TTC23L: variants seen among roughly 807,000 people sequenced by gnomAD.
TTC23L encodes tetratricopeptide repeat protein 23-like.
TTC23L carries 42 observed loss-of-function variants against 48.1 expected under a neutral mutation model. The observed-to-expected ratio is 0.87, with a 90% confidence interval of 0.68 to 1.13. The LOEUF (loss-of-function observed/expected upper bound fraction) is 1.13, where lower values mean the gene tolerates loss of function less well. TTC23L is among the 50% of genes most tolerant of loss of function. The probability of loss-of-function intolerance (pLI) is 0.00; values close to 1 mark genes in which losing one functional copy is unlikely to be tolerated. For synonymous variants in TTC23L, 159 were observed against 157.2 expected (o/e 1.01, Z -0.09); for missense variants, 391 against 421.0 (o/e 0.93, Z 0.62).
chr5:34,887,758 C>T (rs1203323846), intron 9 of TTC23L, among the ~76,000 whole-genome samples: 2 of 152,072 alleles, frequency 1.3e-5, no homozygotes, highest in Non-Finnish European at 2.9e-5. Context: ...AGTAGAGATT[C>T]AGCCAAATAA....
Position 34,880,316 on chromosome 5 carries a change from T to C in TTC23L, c.1077+8T>C. On this transcript the variant is annotated splice_region_variant and intron_variant, in intron 9 of 10. Transcript: ENST00000505624. ...CAAAATGGAGAAAAACAGGTAAATA[T>C]GATCAATGCATAAACAGAATTGCTA... is the stretch of plus-strand genomic sequence containing the variant. 3 of 1,604,362 alleles carry C rather than the reference T, an allele frequency of 1.9e-6. No homozygotes were observed. Among genetic ancestry groups the C allele is most frequent in the Non-Finnish European group, 2.5e-6 (3 of 1,176,982 alleles).
At chr5:34,888,909 A>G (rs1472217633) in intron 9 of TTC23L, among the ~76,000 whole-genome samples, 3 of 152,232 alleles carry the variant, frequency 2.0e-5, no homozygotes, top group Non-Finnish European at 1.5e-5. Context: ...CTGAACATAC[A>G]AAGTCTAGGT....
chr5:34,839,835 T>G (rs1758449999), intron 1 of TTC23L, among the ~76,000 whole-genome samples: 1 of 152,250 alleles, frequency 6.6e-6, no homozygotes, highest in Non-Finnish European at 1.5e-5. Context: ...AATCACATTT[T>G]TCGTTTTGTG....
rs185627068 is a variant in TTC23L, at chr5:34,862,922, A to C, written c.404A>C (p.His135Pro). Reference sequence around the variant, plus strand: ...GGCCTCCCAGTTCAGGCCAAGAAACATGCTACATCAGCCAAGAATACACTG... The same window carrying C: ...GGCCTCCCAGTTCAGGCCAAGAAACCTGCTACATCAGCCAAGAATACACTG... The change falls in exon 5 of 11, where the codon CAT becomes CCT. Residue 135 changes from histidine (H) to proline (P), a missense_variant. Coordinates refer to ENST00000505624, the Ensembl canonical transcript of TTC23L. 304 of 1,613,992 alleles carry C rather than the reference A, an allele frequency of 1.9e-4. 1 individual carries two copies. The African/African-American group carries it at 3.8e-3, about 20-fold the overall frequency.
chr5:34,923,147 A>C, the TTC23L span: 4 of 1,613,696 alleles, frequency 2.5e-6, no homozygotes, highest in Non-Finnish European at 3.4e-6. Flanking sequence ...TTAGTACACC[A>C]CGGTATCATC....
At chr5:34,911,062 G>A in the TTC23L span, among the ~76,000 whole-genome samples, 3 of 152,116 alleles carry the variant, frequency 2.0e-5, no homozygotes, top group African/African-American at 7.2e-5. Flanking sequence ...CATTTTCTTG[G>A]CTTCACCTTG....
rs528886154 is a variant in TTC23L at position 34,863,411 on chromosome 5, G to A, written c.536+357G>A. Among the ~76,000 whole-genome samples, 1 of 152,216 alleles carries A rather than the reference G, an allele frequency of 6.6e-6. No individual in the cohort carries two copies. Among genetic ancestry groups the A allele is most frequent in the African/African-American group, 2.4e-5 (1 of 41,524 alleles). ...GGTGGTGTAGTGATGGAGAGAATGG[G>A]TGATAATTTAAAGCACAATTTGGCA... On this transcript the variant is annotated intron_variant, in intron 5 of 10. Coordinates refer to ENST00000505624, the Ensembl canonical transcript of TTC23L. This position sits in a 1 kb window ranked among gnomAD's most constrained non-coding sequence, Gnocchi z 4.1.
chr5:34,853,381 A>G (rs1759845711), intron 4 of TTC23L, among the ~76,000 whole-genome samples: 1 of 152,122 alleles, frequency 6.6e-6, no homozygotes, highest in Non-Finnish European at 1.5e-5. Flanking sequence ...AAATACAAAA[A>G]TTAGCCAAGT....
chr5:34,852,821 T>TCA (rs1759783807), intron 4 of TTC23L, among the ~76,000 whole-genome samples: 1 of 152,120 alleles, frequency 6.6e-6, no homozygotes, highest in African/African-American at 2.4e-5. Context: ...GTTTATGGAT[T>TCA]CACAGTTTCA....
At chr5:34,866,747 TACAGCAAGGC>T in intron 6 of TTC23L, 135 bp from the exon 7 acceptor site, 1 of 687,326 alleles carries the variant, frequency 1.5e-6, no homozygotes, top group South Asian at 2.0e-5. Context: ...GGAGTTTATT[TACAGCAAGGC>T]TAGATTTTTG....
exon 7 of TTC23L, chr5:34,866,954 A>T (rs1761092412): frequency 6.2e-7 from 1 of 1,610,492 alleles, no homozygotes; most frequent in Admixed American, 1.7e-5. Context: ...GCAATTGGCG[A>T]TGTTATTGCT....
At chr5:34,868,857 G>A (rs1761244824) in intron 7 of TTC23L, 48 bp from the exon 8 acceptor site, 1 of 1,514,280 alleles carries the variant, frequency 6.6e-7, no homozygotes, top group Non-Finnish European at 9.0e-7. Context: ...AATCCACAGT[G>A]AACACTGTCA....
chr5:34,867,262 CAGGT>C (rs2150408198), intron 7 of TTC23L, 193 bp downstream of exon 7: 1 of 628,706 alleles, frequency 1.6e-6, no homozygotes, highest in South Asian at 1.9e-5. Context: ...AACACTGACT[CAGGT>C]GGGCGAATGT....
chr5:34,923,802 A>G, the TTC23L span, among the ~76,000 whole-genome samples: 1 of 152,212 alleles, frequency 6.6e-6, no homozygotes, highest in Non-Finnish European at 1.5e-5. Flanking sequence ...CTTTTCCCTA[A>G]AGAGATTGCT....
At chr5:34,839,349 T>A (rs1395935410) in intron 1 of TTC23L, 90 bp downstream of exon 1, 1 of 152,758 alleles carries the variant, frequency 6.5e-6, no homozygotes, top group African/African-American at 2.4e-5. Context: ...GCGTGGTTTC[T>A]CCGCCTTGAG....
chr5:34,850,448 G>A, intron 4 of TTC23L, 140 bp downstream of exon 4: 1 of 915,404 alleles, frequency 1.1e-6, no homozygotes, highest in Non-Finnish European at 1.6e-6. Context: ...GAAAGTCCAT[G>A]GATGAGGGAG....
chr5:34,849,734 A>T (rs1336338478), intron 3 of TTC23L, among the ~76,000 whole-genome samples: 1 of 152,172 alleles, frequency 6.6e-6, no homozygotes, highest in African/African-American at 2.4e-5. Context: ...TAAGGTGAGG[A>T]TGGGTGGATG....
chr5:34,846,748 A>G (rs1486045728), intron 3 of TTC23L, among the ~76,000 whole-genome samples: 2 of 147,854 alleles, frequency 1.4e-5, no homozygotes, highest in Non-Finnish European at 3.0e-5. Flanking sequence ...CTCTTAGGTA[A>G]CAAAAAGGCT....
chr5:34,848,662 A>G (rs1157229589), intron 3 of TTC23L, among the ~76,000 whole-genome samples: 1 of 152,198 alleles, frequency 6.6e-6, no homozygotes, highest in Non-Finnish European at 1.5e-5. Context: ...AGTGAATGAC[A>G]TGGAAGAGTG....
Sources: gnomAD v4.1 joint callset for allele counts (sites outside exome capture counted in the v4.1 genomes callset) on GRCh38, gnomAD v4.1.1 for gene constraint, Gnocchi (gnomAD v3.1) non-coding constraint, MANE v1.5 for transcripts, NCBI Gene and HGNC (gene_info 2026-07-23, HGNC 2026-07-21) for gene names.